Variants in IL7 observed in about 807,000 individuals in gnomAD.
The protein encoded by IL7 is interleukin-7.
IL7 carries 3 observed loss-of-function variants against 21.6 expected under a neutral mutation model. That is an observed-to-expected ratio of 0.14 (90% CI 0.06 to 0.36). The LOEUF is 0.36. Ranked by LOEUF, IL7 falls within the 10% of genes least tolerant of loss-of-function variation. IL7 has a pLI of 1.00. For synonymous variants in IL7, 62 were observed against 68.1 expected, an observed-to-expected ratio of 0.91 and a Z score of 0.44; for missense variants, 175 against 200.2, an observed-to-expected ratio of 0.87 and a Z score of 0.76.
chr8:78,715,606 C>G (rs992011832), downstream of IL7, among the ~76,000 whole-genome samples: 3 of 152,076 alleles, frequency 2.0e-5, no homozygotes, highest in African/African-American at 7.2e-5. Context: ...AGAAGTTGTT[C>G]CAAACTTCAT....
intron 2 of IL7, chr8:78,761,620 G>T: frequency 1.9e-6 from 3 of 1,611,962 alleles, no homozygotes; most frequent in Non-Finnish European, 2.5e-6. Flanking sequence ...CCCCTGCTAT[G>T]TCCACTACAT....
chr8:78,739,698 A>G (rs1811714368), intron 3 of IL7, among the ~76,000 whole-genome samples: 1 of 152,012 alleles, frequency 6.6e-6, no homozygotes, highest in South Asian at 2.1e-4. Flanking sequence ...CTCCAAAAAA[A>G]AAAACAAAGA....
chr8:78,733,669 G>A lies in IL7; in HGVS notation c.*44C>T. On this transcript the variant is annotated 3_prime_UTR_variant, in exon 6 of 6. Transcript: ENST00000263851. The stretch of plus-strand genomic sequence containing the variant: ...TGCATAAGCAGATAGATTCTTGGAG[G>A]ATGCAGCTAAAGTTCGTGTTTCTAT... The A allele has an allele frequency of 6.3e-7, 1 of 1,578,472 alleles. No homozygotes were observed.
intron 2 of IL7, among the ~76,000 whole-genome samples, chr8:78,786,867 G>T (rs1813525498): frequency 6.6e-6 from 1 of 152,132 alleles, no homozygotes; most frequent in African/African-American, 2.4e-5. Context: ...ATAAATAGAG[G>T]GTTGGGACTT....
At chr8:78,686,055 G>A (rs996169207) in intron 3 of IL7, 12 of 152,262 alleles carry the variant, frequency 7.9e-5, no homozygotes, top group African/African-American at 2.9e-4. Context: ...ATCTGCTACT[G>A]GGATAATGGC....
At chr8:78,763,484 A>G (rs1346771019) in intron 2 of IL7, among the ~76,000 whole-genome samples, 1 of 152,172 alleles carries the variant, frequency 6.6e-6, no homozygotes, top group Non-Finnish European at 1.5e-5. Context: ...TATAAAAATG[A>G]TACAGAGACA....
At chr8:78,689,341 A>G (rs1416936620) in intron 3 of IL7, 14 of 1,599,374 alleles carry the variant, frequency 8.8e-6, no homozygotes, top group Non-Finnish European at 1.2e-5. Flanking sequence ...TTCTACAGAT[A>G]CCAAAGGAAA....
chr8:78,694,294 T>C (rs1266751016), intron 3 of IL7, among the ~76,000 whole-genome samples: 1 of 151,210 alleles, frequency 6.6e-6, no homozygotes, highest in Non-Finnish European at 1.5e-5. Flanking sequence ...TTGTTTTTTT[T>C]TTTTTCTCAT....
chr8:78,742,532 G>A (rs1811824163), intron 2 of IL7, among the ~76,000 whole-genome samples: 1 of 151,812 alleles, frequency 6.6e-6, no homozygotes, highest in South Asian at 2.1e-4. Flanking sequence ...TAATACTTTT[G>A]TCTTTTAACT....
chr8:78,730,376 C>A (rs1811403186), downstream of IL7, among the ~76,000 whole-genome samples: 1 of 151,922 alleles, frequency 6.6e-6, no homozygotes, highest in African/African-American at 2.4e-5. Context: ...TATCAATACA[C>A]CTACTTGTTT....
intron 5 of IL7, among the ~76,000 whole-genome samples, chr8:78,735,293 G>GTTTTTTTTT (rs33976248): frequency 1.4e-5 from 1 of 69,572 alleles, no homozygotes. Flanking sequence ...TTTTTTTTTT[G>GTTTTTTTTT]TTTTTTTTTT....
chr8:78,744,023 G>C (rs1247054928), intron 2 of IL7, among the ~76,000 whole-genome samples: 1 of 152,172 alleles, frequency 6.6e-6, no homozygotes, highest in Non-Finnish European at 1.5e-5. Flanking sequence ...GAGGTGGCTG[G>C]AGATCCTGGT....
intron 2 of IL7, among the ~76,000 whole-genome samples, chr8:78,769,056 G>A (rs1221614344): frequency 6.6e-6 from 1 of 152,128 alleles, no homozygotes; most frequent in Non-Finnish European, 1.5e-5. Context: ...AGCTATCTAT[G>A]ACAAACCCAC....
chr8:78,698,955 A>T lies in IL7; in HGVS notation n.215-13008T>A, dbSNP rs553234359. ...TAGCTGTTAAAGTTAGACGCAATAT[A>T]TAAATTGGGATATCTTTGACTGTAA... is the stretch of plus-strand genomic sequence containing the variant. On this transcript the variant is annotated intron_variant and non_coding_transcript_variant, in intron 3 of 4. Transcript: ENST00000523959. Among the ~76,000 whole-genome samples, 3 of 152,310 alleles carry T rather than the reference A, an allele frequency of 2.0e-5. No individual in the cohort carries two copies. The East Asian group carries it at 5.8e-4, about 29-fold the overall frequency.
chr8:78,780,545 G>A (rs896123162), intron 2 of IL7, among the ~76,000 whole-genome samples: 1 of 152,122 alleles, frequency 6.6e-6, no homozygotes, highest in Non-Finnish European at 1.5e-5. Context: ...ATGCTTTTGA[G>A]TGAGTTCCTT....
At chr8:78,768,590 T>C (rs1297633625) in intron 2 of IL7, among the ~76,000 whole-genome samples, 2 of 151,542 alleles carry the variant, frequency 1.3e-5, no homozygotes, top group African/African-American at 2.4e-5. Flanking sequence ...TGTCTGTTCA[T>C]GTCCTTTGCC....
chr8:78,695,642 C>CT (rs1563631327), intron 3 of IL7, among the ~76,000 whole-genome samples: 1 of 152,096 alleles, frequency 6.6e-6, no homozygotes, highest in African/African-American at 2.4e-5. Context: ...TTTCTAATGT[C>CT]TGTCTTTCTC....
intron 3 of IL7, among the ~76,000 whole-genome samples, chr8:78,707,441 T>C (rs1461366696): frequency 6.6e-6 from 1 of 152,224 alleles, no homozygotes; most frequent in Non-Finnish European, 1.5e-5. Flanking sequence ...CTGTGACATA[T>C]TGTCTGACTG....
At chr8:78,704,345 G>A (rs111719074) in intron 3 of IL7, among the ~76,000 whole-genome samples, 5,401 of 145,200 alleles carry the variant, frequency 0.037, 305 homozygotes, top group African/African-American at 0.13. Context: ...CCGAGATTGC[G>A]CCATTGTACT....
Sources: gnomAD v4.1 joint callset for allele counts (sites outside exome capture counted in the v4.1 genomes callset) on GRCh38, gnomAD v4.1.1 for gene constraint, MANE v1.5 for transcripts, NCBI Gene and HGNC (gene_info 2026-07-23, HGNC 2026-07-21) for gene names.